Variants in SPATA6 observed in about 807,000 individuals in gnomAD.
SPATA6 encodes spermatogenesis associated 6, also known as spermatogenesis-associated protein 6.
A neutral mutation model predicts 65.3 loss-of-function variants in SPATA6; 56 were observed. The observed-to-expected ratio is 0.86, with a 90% confidence interval of 0.69 to 1.07. The LOEUF is 1.07. Among genes scored for constraint, SPATA6 ranks in the 50% least tolerant of loss-of-function variants. SPATA6 has a pLI of 0.00. For synonymous variants in SPATA6, 199 were observed against 213.2 expected (o/e 0.93, Z 0.58); for missense variants, 590 against 594.8 (o/e 0.99, Z 0.08).
At chr1:48,280,610 A>T in the SPATA6 span, among the ~76,000 whole-genome samples, 2 of 152,252 alleles carry the variant, frequency 1.3e-5, no homozygotes, top group Non-Finnish European at 2.9e-5. Context: ...CTCGACACAT[A>T]CACCCTCCCA....
At chr1:48,286,058 G>A in the SPATA6 span, among the ~76,000 whole-genome samples, 94 of 152,244 alleles carry the variant, frequency 6.2e-4, 1 homozygote, top group South Asian at 0.01. Flanking sequence ...GGATTACACT[G>A]TTTTGTTTAT....
At chr1:48,413,068 TATG>T (rs1652410710) in intron 4 of SPATA6, 39 bp downstream of exon 4, 2 of 640,446 alleles carry the variant, frequency 3.1e-6, no homozygotes, top group African/African-American at 1.9e-5. Context: ...TACATCAATT[TATG>T]ATATCTTATA....
intron 9 of SPATA6, among the ~76,000 whole-genome samples, chr1:48,371,119 C>T (rs1647238471): frequency 6.6e-6 from 1 of 152,056 alleles, no homozygotes; most frequent in Non-Finnish European, 1.5e-5. Flanking sequence ...GCTAGAAGAA[C>T]ACAACATGAC....
the SPATA6 span, among the ~76,000 whole-genome samples, chr1:48,274,661 A>C: frequency 3.7e-4 from 56 of 152,008 alleles, no homozygotes; most frequent in Non-Finnish European, 7.1e-4. Context: ...GATATGTGGC[A>C]TTATTTCTGA....
intron 9 of SPATA6, among the ~76,000 whole-genome samples, chr1:48,378,930 C>T (rs1400884689): frequency 3.3e-5 from 5 of 152,064 alleles, no homozygotes; most frequent in East Asian, 1.9e-4. Flanking sequence ...AGAATAAAGT[C>T]GTGTCATTTA....
At chr1:48,369,585 G>A (rs1344593113) in intron 9 of SPATA6, among the ~76,000 whole-genome samples, 1 of 152,232 alleles carries the variant, frequency 6.6e-6, no homozygotes, top group African/African-American at 2.4e-5. Context: ...CGAGCCATGT[G>A]TGGGATATAA....
Position 48,403,910 on chromosome 1 carries a change from C to G in SPATA6, c.406-28G>C, listed in dbSNP as rs72895120. On this transcript the variant is annotated intron_variant, in intron 5 of 12. Transcript: ENST00000371847. Reference sequence around the variant, plus strand: ...GAGAAGAAAAAAGAGGGTATTATTACACATTTCCATTTAAATAGAGATAAT... The same window carrying G: ...GAGAAGAAAAAAGAGGGTATTATTAGACATTTCCATTTAAATAGAGATAAT... 13,596 of 1,493,794 alleles carry G rather than the reference C, an allele frequency of 9.1e-3. 336 individuals carry two copies. The highest frequency in any genetic ancestry group is 0.07 in the African/African-American group (5,025 of 71,676). The allele number at this position is 1,493,794 out of a possible 1,614,324, so 92.5% of individuals were successfully genotyped here.
At chr1:48,384,239 G>C (rs1033852096) in intron 9 of SPATA6, among the ~76,000 whole-genome samples, 7 of 143,456 alleles carry the variant, frequency 4.9e-5, no homozygotes, top group East Asian at 2.1e-4. Flanking sequence ...GGCAGGCTGA[G>C]GCAGGAGAAT....
At chr1:48,331,706 A>T (rs1412719182) in intron 11 of SPATA6, among the ~76,000 whole-genome samples, 1 of 152,042 alleles carries the variant, frequency 6.6e-6, no homozygotes, top group Admixed American at 6.6e-5. Flanking sequence ...CGATATTCAA[A>T]TTCAGGAAAT....
intron 3 of SPATA6, among the ~76,000 whole-genome samples, chr1:48,435,674 C>T (rs1211856465): frequency 6.6e-6 from 1 of 152,214 alleles, no homozygotes; most frequent in Non-Finnish European, 1.5e-5. Flanking sequence ...CGTAAATGCA[C>T]CAATCAGCAC....
intron 11 of SPATA6, chr1:48,326,235 A>G (rs1570132895): frequency 1.3e-5 from 2 of 152,258 alleles, no homozygotes; most frequent in Admixed American, 1.3e-4. Flanking sequence ...GAGCCAAATT[A>G]AGAATTCAAT....
intron 1 of SPATA6, among the ~76,000 whole-genome samples, chr1:48,468,634 T>C (rs1194585589): frequency 6.6e-6 from 1 of 151,864 alleles, no homozygotes. Context: ...GTGTTCCAAA[T>C]CTTGATCTGG....
At chr1:48,378,025 C>A (rs1460357407) in intron 9 of SPATA6, among the ~76,000 whole-genome samples, 2 of 152,160 alleles carry the variant, frequency 1.3e-5, no homozygotes, top group Non-Finnish European at 2.9e-5. Context: ...TGAGCCAAAG[C>A]CGTAAGATGG....
At chr1:48,447,646 G>C (rs1656186398) in intron 3 of SPATA6, among the ~76,000 whole-genome samples, 2 of 152,096 alleles carry the variant, frequency 1.3e-5, no homozygotes, top group Admixed American at 1.3e-4. Context: ...AAGATCATAG[G>C]ATAGGCCACA....
At chr1:48,325,729 T>C in intron 11 of SPATA6, 1 of 531,570 alleles carries the variant, frequency 1.9e-6, no homozygotes, top group Non-Finnish European at 3.6e-6. Flanking sequence ...CCAATGGCAA[T>C]GGCCCAAGTA....
chr1:48,435,928 T>C lies in SPATA6; in HGVS notation c.238+15624A>G, dbSNP rs1376197997. 4 of 1,562,880 alleles carry C rather than the reference T, an allele frequency of 2.6e-6. No individual in the cohort carries two copies. In the African/African-American group the frequency reaches 4.1e-5, roughly 16 times the overall value. On this transcript the variant is annotated intron_variant, in intron 3 of 12. Coordinates refer to ENST00000371847, the MANE Select transcript of SPATA6 (RefSeq NM_019073.4). Reference sequence around the variant, plus strand: ...AAACAAAAGCCTTCTTTGGAATAGATGGATTTTTGTCACTTTCTGTGTGAA... The same window carrying C: ...AAACAAAAGCCTTCTTTGGAATAGACGGATTTTTGTCACTTTCTGTGTGAA...
intron 1 of SPATA6, among the ~76,000 whole-genome samples, chr1:48,454,584 T>C (rs998352506): frequency 5.3e-5 from 8 of 152,186 alleles, no homozygotes; most frequent in Admixed American, 2.0e-4. Context: ...AATCATTGTG[T>C]ACATGCATTT....
At chr1:48,373,079 C>T (rs1358462281) in intron 9 of SPATA6, among the ~76,000 whole-genome samples, 1 of 152,340 alleles carries the variant, frequency 6.6e-6, no homozygotes, top group South Asian at 2.1e-4. Context: ...GCTACTTATG[C>T]AAATTTCTGC....
intron 5 of SPATA6, among the ~76,000 whole-genome samples, chr1:48,410,474 A>G: frequency 6.6e-6 from 1 of 151,948 alleles, no homozygotes. Flanking sequence ...TTCCAAATTC[A>G]CTTCCACATT....
Sources: allele counts gnomAD v4.1 joint callset (sites outside exome capture counted in the v4.1 genomes callset), GRCh38; gene constraint gnomAD v4.1.1; transcripts MANE v1.5; gene names NCBI Gene and HGNC (gene_info 2026-07-23, HGNC 2026-07-21).